TRAPPC8: variants seen among roughly 807,000 people sequenced by gnomAD.
The protein encoded by TRAPPC8 is trafficking protein particle complex subunit 8.
Under a neutral mutation model 174.3 loss-of-function variants are expected in TRAPPC8, and 54 were observed. The ratio of observed to expected loss-of-function variants is 0.31; its 90% CI spans 0.25 to 0.39. The LOEUF (loss-of-function observed/expected upper bound fraction) is 0.39, where lower values mean the gene tolerates loss of function less well. Ranked by LOEUF, TRAPPC8 falls within the 10% of genes least tolerant of loss-of-function variation. The pLI is 1.00. For missense variants in TRAPPC8, 1,531 were observed against 1,699.1 expected (o/e 0.90, Z 1.74); for synonymous variants, 630 against 579.9 (o/e 1.09, Z -1.24).
rs550806669 is a variant in TRAPPC8, at chr18:31,876,489, C to CAAGAAAAAAAAAAAA, written c.1729-1786_1729-1785insTTTTTTTTTTTTCTT. Reference sequence around the variant, plus strand: ...TGGGCTACACTGCGAGACTCCATCTCAAAAAAAAAAAAAAAAAAAAAAAGA... The same window carrying CAAGAAAAAAAAAAAA: ...TGGGCTACACTGCGAGACTCCATCTCAAGAAAAAAAAAAAAAAAAAAAAAAAAAAAAAAAAAAAGA... On this transcript the variant is annotated intron_variant, in intron 12 of 28. Transcript: ENST00000283351. Among the ~76,000 whole-genome samples the CAAGAAAAAAAAAAAA allele has an allele frequency of 4.1e-4, 20 of 48,718 alleles. 2 individuals carry two copies. The highest frequency in any genetic ancestry group is 1.9e-3 in the African/African-American group (20 of 10,628). The allele number at this position is 48,718 out of a possible 152,430, so 32.0% of individuals were successfully genotyped here. A position where few individuals can be genotyped will look rare whatever the true frequency, so the allele number is the denominator to read the frequency against.
chr18:31,874,180 T>C (rs1221948690), intron 13 of TRAPPC8: 3 of 423,954 alleles, frequency 7.1e-6, no homozygotes, highest in Non-Finnish European at 8.3e-6. Flanking sequence ...CAGTTGTGAG[T>C]CTATAAAAGC....
chr18:31,908,418 G>A lies in TRAPPC8; in HGVS notation c.1123C>T (p.Leu375=). The A allele has an allele frequency of 6.5e-7, 1 of 1,548,964 alleles. No homozygotes were observed. The change falls in exon 8 of 29, where the codon CTA becomes TTA. Residue 375 remains leucine (L), a splice_region_variant and synonymous_variant. Coordinates refer to ENST00000283351, the MANE Select transcript of TRAPPC8 (RefSeq NM_014939.5). ...CGACTCAAACCTTTTCTTGATATTA[G>A]CTTTAAAAAAGAGATTAAATATGTT... ...EKTIRQLNDQ[L]ISRKGLSRSL... is the part of the protein sequence containing the mutation.
intron 12 of TRAPPC8, among the ~76,000 whole-genome samples, chr18:31,880,030 A>C (rs1166486930): frequency 6.9e-6 from 1 of 145,290 alleles, no homozygotes; most frequent in Non-Finnish European, 1.5e-5. Context: ...TCAAAGCCAA[A>C]TTCTACCATA....
At chr18:31,890,961 C>T in intron 11 of TRAPPC8, 95 bp from the exon 12 acceptor site, 2 of 1,184,076 alleles carry the variant, frequency 1.7e-6, no homozygotes, top group Non-Finnish European at 2.3e-6. Flanking sequence ...TAATATATAG[C>T]ATATCCAATG....
chr18:31,930,893 A>G (rs1406815526), intron 2 of TRAPPC8, among the ~76,000 whole-genome samples: 4 of 152,204 alleles, frequency 2.6e-5, no homozygotes, highest in African/African-American at 4.8e-5. Context: ...AATAAAATAC[A>G]TATGTACATA....
chr18:31,929,997 A>AG (rs1404199743), intron 2 of TRAPPC8, among the ~76,000 whole-genome samples: 19 of 152,266 alleles, frequency 1.2e-4, no homozygotes, highest in African/African-American at 4.3e-4. Context: ...CAAAGAAAAA[A>AG]GAAAAAAATA....
intron 3 of TRAPPC8, among the ~76,000 whole-genome samples, chr18:31,916,722 C>CGGG (rs1239126831): frequency 6.6e-6 from 1 of 151,704 alleles, no homozygotes; most frequent in South Asian, 2.1e-4. Context: ...TTTGTAAAGA[C>CGGG]GGGGTTTCAC....
chr18:31,856,671 T>C (rs1430484872), intron 20 of TRAPPC8, among the ~76,000 whole-genome samples: 1 of 152,216 alleles, frequency 6.6e-6, no homozygotes, highest in Non-Finnish European at 1.5e-5. Context: ...AATTTTACAC[T>C]GTGGCTGAAC....
chr18:31,933,516 T>C (rs1440740687), intron 1 of TRAPPC8, among the ~76,000 whole-genome samples: 4 of 152,144 alleles, frequency 2.6e-5, no homozygotes, highest in Admixed American at 6.6e-5. Context: ...TAGACAGTAA[T>C]TGCAAAGCAC....
At position 31,848,838 on chromosome 18, in the gene TRAPPC8, C is replaced by T. The variant is rs148595951; in HGVS notation, c.3735+728G>A. On this transcript the variant is annotated intron_variant, in intron 25 of 28. Transcript: ENST00000283351. ...ATGCATATGATACAAAAGGGTGTAA[C>T]GTAAGAATTAAGACTCCTTTGCAGT... Among the ~76,000 whole-genome samples the T allele has an allele frequency of 2.6e-4, 39 of 152,148 alleles. No individual in the cohort carries two copies. In the East Asian group the frequency reaches 7.3e-3, roughly 29 times the overall value.
Position 31,839,394 on chromosome 18 carries a change from G to C in TRAPPC8, c.3901C>G (p.Pro1301Ala). The C allele has an allele frequency of 6.2e-7, 1 of 1,612,022 alleles. No homozygotes were observed. The highest frequency in any genetic ancestry group is 1.1e-5 in the South Asian group (1 of 90,562). ...RPENITVSSR[P>A]SVEQLSSLIK... is the part of the protein sequence containing the mutation. ...AGACTAGAAAGCTGCTCTACTGATG[G>C]CCTTGAGGAAACTGTAATGTTTTCT... Residue 1301 changes from proline (P) to alanine (A), a missense_variant, in exon 27 of 29, where the codon CCA (proline) becomes GCA (alanine). Transcript: ENST00000283351.
intron 27 of TRAPPC8, among the ~76,000 whole-genome samples, chr18:31,837,527 T>C (rs1282728159): frequency 6.6e-6 from 1 of 152,046 alleles, no homozygotes; most frequent in Non-Finnish European, 1.5e-5. Context: ...ACCGCATCTC[T>C]ACTAAAAATA....
chr18:31,935,202 G>T (rs565627498), intron 1 of TRAPPC8, among the ~76,000 whole-genome samples: 6 of 151,726 alleles, frequency 4.0e-5, no homozygotes, highest in African/African-American at 1.2e-4. Context: ...AAATTAGCCA[G>T]GCGTGGTGGC....
intron 12 of TRAPPC8, among the ~76,000 whole-genome samples, chr18:31,885,278 C>T (rs1261515536): frequency 1.3e-5 from 2 of 152,064 alleles, no homozygotes; most frequent in Admixed American, 6.6e-5. Context: ...ACAAACATAC[C>T]GAATTTGAAT....
chr18:31,908,322 T>G lies in TRAPPC8; in HGVS notation c.1219A>C (p.Lys407Gln). ...KVPEKSINDL[K>Q]NTSGLLYPPE... ...ACTCACAGCAAGCCAGATGTATTTT[T>G]CAGGTCATTAATGCTCTTTTCTGGA... Residue 407 changes from lysine to glutamine, a missense_variant, in exon 8 of 29, where the codon AAA becomes CAA. Physicochemically the swap from Lys to Gln is moderately conservative, Grantham distance 53 (BLOSUM62 1). Coordinates refer to ENST00000283351, the MANE Select transcript of TRAPPC8 (RefSeq NM_014939.5). 6.2e-7 allele frequency: 1 copy of G among 1,601,312 alleles called. No homozygotes were observed. Among genetic ancestry groups the G allele is most frequent in the African/African-American group, 1.3e-5 (1 of 74,414 alleles).
rs1162718030 is a variant in TRAPPC8 at position 31,880,091 on chromosome 18, ATATAT to A, written c.1729-5392_1729-5388del. On this transcript the variant is annotated intron_variant, in intron 12 of 28. Coordinates refer to ENST00000283351, the MANE Select transcript of TRAPPC8 (RefSeq NM_014939.5). ...TTTACTGAAACTATTGAAAAAAAAA[ATATAT>A]ATATATATATATATATATATATATA... 7.8e-4 allele frequency among the ~76,000 whole-genome samples: 55 copies of A among 70,232 alleles called. 2 individuals carry two copies. The highest frequency in any genetic ancestry group is 2.1e-3 in the African/African-American group (40 of 18,734). 46.1% of individuals were successfully genotyped at this position (70,232 alleles called of 152,430 possible).
chr18:31,869,163 C>G (rs2034724505), intron 16 of TRAPPC8, among the ~76,000 whole-genome samples: 1 of 151,930 alleles, frequency 6.6e-6, no homozygotes, highest in Non-Finnish European at 1.5e-5. Context: ...AATAAAGAAA[C>G]TATTTGGCCA....
At chr18:31,906,409 T>A (rs1018220924) in intron 9 of TRAPPC8, among the ~76,000 whole-genome samples, 8 of 152,060 alleles carry the variant, frequency 5.3e-5, no homozygotes, top group Non-Finnish European at 8.8e-5. Context: ...ATTTTTAAGT[T>A]ACATATTTTA....
At chr18:31,918,823 CT>C (rs1453259012) in intron 2 of TRAPPC8, among the ~76,000 whole-genome samples, 2 of 152,086 alleles carry the variant, frequency 1.3e-5, no homozygotes, top group Non-Finnish European at 2.9e-5. Context: ...CACAATTATT[CT>C]TTTTATTTGA....
Sources: allele counts gnomAD v4.1 joint callset (sites outside exome capture counted in the v4.1 genomes callset), GRCh38; gene constraint gnomAD v4.1.1; transcripts MANE v1.5; gene names NCBI Gene and HGNC (gene_info 2026-07-23, HGNC 2026-07-21).